PRR5: variants seen among roughly 807,000 people sequenced by gnomAD.
PRR5 encodes proline rich 5, also known as proline-rich protein 5.
A neutral mutation model predicts 30.6 loss-of-function variants in PRR5; 25 were observed. The observed-to-expected ratio is 0.82, with a 90% CI of 0.60 to 1.14. PRR5 has a LOEUF of 1.14. PRR5 is among the 50% of genes most tolerant of loss of function. The pLI is 0.00. For missense variants in PRR5, 600 were observed against 547.1 expected, an observed-to-expected ratio of 1.10 and a Z score of -0.96; for synonymous variants, 286 against 247.1, an observed-to-expected ratio of 1.16 and a Z score of -1.48.
chr22:44,723,518 G>C (rs1432138860), intron 2 of PRR5, among the ~76,000 whole-genome samples: 1 of 151,990 alleles, frequency 6.6e-6, no homozygotes, highest in Non-Finnish European at 1.5e-5. Context: ...TCAGGAGTTT[G>C]AGACCAGCCT....
At chr22:44,736,443 A>G (rs743893) in intron 7 of PRR5, among the ~76,000 whole-genome samples, 29,695 of 152,200 alleles carry the variant, frequency 0.2, 3,624 homozygotes, top group African/African-American at 0.33. Context: ...GCCAAAGTCC[A>G]TACACTTCCA....
At chr22:44,710,656 T>C (rs548647185) in intron 1 of PRR5, among the ~76,000 whole-genome samples, 1 of 152,260 alleles carries the variant, frequency 6.6e-6, no homozygotes, top group East Asian at 1.9e-4. Context: ...CAAACACCCT[T>C]AGCCTACCTT....
chr22:44,694,977 C>A (rs1245591308), intron 1 of PRR5, among the ~76,000 whole-genome samples: 3 of 152,078 alleles, frequency 2.0e-5, no homozygotes, highest in Admixed American at 1.3e-4. Flanking sequence ...TCAAAACCAG[C>A]CTGGCCGACA....
chr22:44,680,299 C>T (rs925142953), intron 1 of PRR5, among the ~76,000 whole-genome samples: 11 of 152,118 alleles, frequency 7.2e-5, no homozygotes, highest in Non-Finnish European at 1.3e-4. Context: ...GCACCTGCCC[C>T]GTGGCTTCCT....
chr22:44,675,790 TTATTATTAC>T (rs1267145501), upstream of PRR5, among the ~76,000 whole-genome samples: 21 of 145,326 alleles, frequency 1.4e-4, no homozygotes, highest in African/African-American at 3.4e-4. Flanking sequence ...ATTATTATTA[TTATTATTAC>T]TTAGGTCACA....
chr22:44,723,090 A>G (rs1436593561), intron 2 of PRR5, among the ~76,000 whole-genome samples: 2 of 151,516 alleles, frequency 1.3e-5, no homozygotes, highest in African/African-American at 2.4e-5. Context: ...AGTTCAAGCA[A>G]TTCTTCTGTC....
At chr22:44,704,309 G>T (rs545226814) in intron 1 of PRR5, among the ~76,000 whole-genome samples, 1 of 152,066 alleles carries the variant, frequency 6.6e-6, no homozygotes, top group African/African-American at 2.4e-5. Context: ...TCCCACCCCC[G>T]AGGTGGGGCG....
chr22:44,714,802 A>T (rs1181133791), intron 2 of PRR5, 131 bp downstream of exon 2: 1 of 1,252,246 alleles, frequency 8.0e-7, no homozygotes, highest in Non-Finnish European at 1.1e-6. Flanking sequence ...GCCATCTGTC[A>T]ACAGGAGAGC....
chr22:44,735,679 G>A (rs1923097683), intron 7 of PRR5, among the ~76,000 whole-genome samples: 1 of 152,114 alleles, frequency 6.6e-6, no homozygotes, highest in Non-Finnish European at 1.5e-5. Context: ...GCCCCATCCC[G>A]AGCCCACGCC....
At chr22:44,682,732 G>T (rs919355906) in intron 1 of PRR5, among the ~76,000 whole-genome samples, 5 of 152,160 alleles carry the variant, frequency 3.3e-5, no homozygotes, top group Admixed American at 2.6e-4. Context: ...GGTACCTGGC[G>T]TGTGGCCAGA....
rs1923524564 is a variant in PRR5, at chr22:44,737,647, G to A, written c.*400G>A. 1 of 199,306 alleles carries A rather than the reference G, an allele frequency of 5.0e-6. No homozygotes were observed. The highest frequency in any genetic ancestry group is 1.0e-5 in the Non-Finnish European group (1 of 96,620). 12.3% of individuals were successfully genotyped at this position (199,306 alleles called of 1,614,324 possible). A position where few individuals can be genotyped will look rare whatever the true frequency, so the allele number is the denominator to read the frequency against. On this transcript the variant is annotated 3_prime_UTR_variant, in exon 8 of 8. Transcript: ENST00000336985. Reference sequence around the variant, plus strand: ...TCCTCCTGCCTGGGGTGGCCATGGGGATGGAAGGGGGTGGAATAAAACCTG... The same window carrying A: ...TCCTCCTGCCTGGGGTGGCCATGGGAATGGAAGGGGGTGGAATAAAACCTG...
In PRR5 at chr22:44,724,535, G is replaced by A. The variant is rs539588635; in HGVS notation, c.216-709G>A. Among the ~76,000 whole-genome samples the A allele has an allele frequency of 1.9e-4, 29 of 152,332 alleles. 1 individual carries two copies. In the South Asian group the frequency reaches 3.3e-3, roughly 17 times the overall value. The stretch of plus-strand genomic sequence containing the variant: ...AGACTGTTGGGAGGTCATATCTGGG[G>A]CCTCAGCGCTGACAGTGCCTGTGTA... On this transcript the variant is annotated intron_variant, in intron 2 of 7. Transcript: ENST00000336985.
At chr22:44,675,250 AAAAAAAAAAG>A (rs893292256), upstream of PRR5, among the ~76,000 whole-genome samples, 6 of 24,856 alleles carry the variant, frequency 2.4e-4, no homozygotes, top group African/African-American at 3.2e-3. Flanking sequence ...ACGCTGTCTC[AAAAAAAAAAG>A]AAAAAAAAGA....
upstream of PRR5, among the ~76,000 whole-genome samples, chr22:44,675,153 G>A (rs1232376953): frequency 4.6e-5 from 7 of 150,962 alleles, no homozygotes; most frequent in South Asian, 4.2e-4. Context: ...AGGAGGCTGA[G>A]GCAGGAGAAT....
At chr22:44,672,351 G>A (rs910691105), upstream of PRR5, among the ~76,000 whole-genome samples, 3 of 152,322 alleles carry the variant, frequency 2.0e-5, no homozygotes, top group Admixed American at 6.5e-5. Context: ...TTGGGAGGTT[G>A]AGGCAGGTGG....
upstream of PRR5, among the ~76,000 whole-genome samples, chr22:44,699,231 G>C (rs574539074): frequency 1.7e-3 from 259 of 152,186 alleles, no homozygotes; most frequent in Middle Eastern, 6.8e-3. Context: ...CTCCCACCTC[G>C]GGCTGCCCAT....
upstream of PRR5, among the ~76,000 whole-genome samples, chr22:44,676,173 C>T (rs1439520180): frequency 3.3e-5 from 5 of 151,708 alleles, no homozygotes; most frequent in African/African-American, 1.2e-4. Flanking sequence ...CACTTGGGCC[C>T]AGGAGTTTAA....
intron 1 of PRR5, among the ~76,000 whole-genome samples, chr22:44,687,034 C>T (rs1924812140): frequency 6.6e-6 from 1 of 152,214 alleles, no homozygotes. Flanking sequence ...CTTGTCCCTC[C>T]CTCAGGCTGG....
In PRR5 at chr22:44,735,022, T is replaced by C. The variant is rs1238456169; in HGVS notation, c.556-5T>C. The C allele has an allele frequency of 2.5e-6, 4 of 1,611,650 alleles. No individual in the cohort carries two copies. In the South Asian group the frequency reaches 4.4e-5, roughly 18 times the overall value. On this transcript the variant is annotated splice_polypyrimidine_tract_variant and splice_region_variant and intron_variant, in intron 6 of 7. Transcript: ENST00000336985. ...CCCCCTACCCCCTGCCCCACTCTCC[T>C]GCAGGGGGTACATGAGTCCAGGGGC...
Sources: gnomAD v4.1 joint callset for allele counts (sites outside exome capture counted in the v4.1 genomes callset) on GRCh38, gnomAD v4.1.1 for gene constraint, MANE v1.5 for transcripts, NCBI Gene and HGNC (gene_info 2026-07-23, HGNC 2026-07-21) for gene names.